Variants in ACVR1C observed in about 807,000 individuals in gnomAD.
ACVR1C encodes activin A receptor type 1C, also known as activin receptor type-1C.
Under a neutral mutation model 57.9 loss-of-function variants are expected in ACVR1C, and 23 were observed. That is an observed-to-expected ratio of 0.40 (90% CI 0.29 to 0.56). The LOEUF is 0.56. Among genes scored for constraint, ACVR1C ranks in the 20% least tolerant of loss-of-function variants. ACVR1C has a pLI of 0.50. For synonymous variants in ACVR1C, 214 were observed against 215.3 expected (o/e 0.99, Z 0.05); for missense variants, 480 against 607.9 (o/e 0.79, Z 2.21).
At chr2:157,544,643 A>C (rs1475405723) in intron 4 of ACVR1C, 31 bp from the exon 5 acceptor site, 16 of 1,572,658 alleles carry the variant, frequency 1.0e-5, no homozygotes, top group Non-Finnish European at 1.4e-5. Flanking sequence ...TGTTGTTGTA[A>C]ATACATATTG....
At position 157,530,285 on chromosome 2, in the gene ACVR1C, T is replaced by C. The variant is rs1687324658; in HGVS notation, c.*3633A>G. The C allele has an allele frequency of 6.6e-6, 1 of 152,144 alleles. No homozygotes were observed. Among genetic ancestry groups the C allele is most frequent in the African/African-American group, 2.4e-5 (1 of 41,462 alleles). 9.4% of individuals were successfully genotyped at this position (152,144 alleles called of 1,614,324 possible). On this transcript the variant is annotated 3_prime_UTR_variant, in exon 9 of 9. Coordinates refer to ENST00000243349, the MANE Select transcript of ACVR1C (RefSeq NM_145259.3). ...ATTTATTTAGCCAAATACATTCTCATACTTATTTCAATCAAAGACTATGCC... is the reference window on the plus strand; with the variant it reads ...ATTTATTTAGCCAAATACATTCTCACACTTATTTCAATCAAAGACTATGCC...
chr2:157,566,377 A>G (rs1004538225), intron 2 of ACVR1C, among the ~76,000 whole-genome samples: 8 of 152,194 alleles, frequency 5.3e-5, no homozygotes, highest in African/African-American at 1.7e-4. Flanking sequence ...CCGAATAGGA[A>G]CAGCTCCGGT....
Position 157,545,759 on chromosome 2 carries a change from T to C in ACVR1C, c.776-1147A>G, listed in dbSNP as rs1687739633. On this transcript the variant is annotated intron_variant, in intron 4 of 8. Transcript: ENST00000243349. ...TAATATGTCTTGTGCATATTATTAT[T>C]ACTATTATTTTATTTTTATTTATTC... 2.6e-5 allele frequency among the ~76,000 whole-genome samples: 4 copies of C among 152,060 alleles called. No individual in the cohort carries two copies. The South Asian group carries it at 8.3e-4, about 32-fold the overall frequency.
chr2:157,588,207 T>A (rs1188161886), intron 1 of ACVR1C, among the ~76,000 whole-genome samples: 1 of 150,874 alleles, frequency 6.6e-6, no homozygotes, highest in African/African-American at 2.4e-5. Context: ...CTGTTCACTG[T>A]CTACACCTCC....
At chr2:157,555,997 A>C (rs1342296276) in intron 3 of ACVR1C, 96 bp downstream of exon 3, 6 of 1,350,452 alleles carry the variant, frequency 4.4e-6, no homozygotes, top group Non-Finnish European at 5.0e-6. Flanking sequence ...TCAAGACGGA[A>C]TTCATAATAT....
At chr2:157,535,947 G>A (rs1310223541) in intron 8 of ACVR1C, among the ~76,000 whole-genome samples, 3 of 152,008 alleles carry the variant, frequency 2.0e-5, no homozygotes, top group Admixed American at 6.6e-5. Context: ...CCCCCTCATC[G>A]GCATATCCCT....
At chr2:157,556,703 A>C (rs76635435) in intron 2 of ACVR1C, among the ~76,000 whole-genome samples, 12,065 of 126,954 alleles carry the variant, frequency 0.095, 707 homozygotes, top group Non-Finnish European at 0.13. Context: ...TCACTCGATC[A>C]CCCAGGCTGG....
At chr2:157,557,131 T>C (rs1002588164) in intron 2 of ACVR1C, among the ~76,000 whole-genome samples, 2 of 150,834 alleles carry the variant, frequency 1.3e-5, no homozygotes, top group African/African-American at 4.9e-5. Context: ...ACTAAACAGA[T>C]GTTTAACACA....
chr2:157,556,642 T>C lies in ACVR1C; in HGVS notation c.305-310A>G, dbSNP rs541032251. Among the ~76,000 whole-genome samples, 5 of 151,356 alleles carry C rather than the reference T, an allele frequency of 3.3e-5. No homozygotes were observed. In the East Asian group the frequency reaches 9.7e-4, roughly 29 times the overall value. ...TTTTCTGTCTACTATTTTCCCTCCA[T>C]TATTCAGCAGTACACTTTTTTTTTT... On this transcript the variant is annotated intron_variant, in intron 2 of 8. Transcript: ENST00000243349.
At chr2:157,552,130 TTG>T (rs1347152503) in intron 3 of ACVR1C, among the ~76,000 whole-genome samples, 3 of 151,866 alleles carry the variant, frequency 2.0e-5, no homozygotes, top group Non-Finnish European at 4.4e-5. Context: ...TTGGTTTGTT[TTG>T]TTTGTTTGTT....
chr2:157,594,380 T>C (rs1339087264), intron 1 of ACVR1C, among the ~76,000 whole-genome samples: 2 of 151,544 alleles, frequency 1.3e-5, no homozygotes, highest in Non-Finnish European at 2.9e-5. Context: ...ATTCTCAATA[T>C]AAGTGACTTA....
In ACVR1C at chr2:157,598,518, T is replaced by C. The variant is rs544946088; in HGVS notation, c.74-11101A>G. ...GGATAAACATAATTGTATTTTATAA[T>C]GTTACATTTATTTTCTTTTAATAGT... On this transcript the variant is annotated intron_variant, in intron 1 of 8. Coordinates refer to ENST00000243349, the MANE Select transcript of ACVR1C (RefSeq NM_145259.3). 9.2e-5 allele frequency among the ~76,000 whole-genome samples: 14 copies of C among 151,756 alleles called. No individual in the cohort carries two copies. In the South Asian group the frequency reaches 1.2e-3, roughly 13 times the overall value.
In ACVR1C at chr2:157,538,566, G is replaced by T; in HGVS notation, c.1356+7C>A. On this transcript the variant is annotated splice_region_variant and intron_variant, in intron 8 of 8. Transcript: ENST00000243349. ...TAAGAAAAATATAGATAAAAACATG[G>T]CCTTACTTCACAACTTTGCCACTGG... is the stretch of plus-strand genomic sequence containing the variant. 1 of 1,549,962 alleles carries T rather than the reference G, an allele frequency of 6.5e-7. No individual in the cohort carries two copies. Among genetic ancestry groups the T allele is most frequent in the Non-Finnish European group, 8.7e-7 (1 of 1,153,988 alleles).
intron 1 of ACVR1C, among the ~76,000 whole-genome samples, chr2:157,588,676 G>A (rs888458875): frequency 5.9e-5 from 8 of 134,804 alleles, no homozygotes; most frequent in Non-Finnish European, 9.2e-5. Context: ...CCTTTTATTA[G>A]TGAAGACATG....
In ACVR1C at chr2:157,533,948, T is replaced by G. The variant is rs751123693; in HGVS notation, c.1452A>C (p.Gln484His). 6.3e-7 allele frequency: 1 copy of G among 1,589,372 alleles called. No individual in the cohort carries two copies. Among genetic ancestry groups the G allele is most frequent in the Admixed American group, 1.8e-5 (1 of 54,484 alleles). ...TALRIKKTISQLCVKEDCKA is the reference protein window; with the variant it reads ...TALRIKKTISHLCVKEDCKA ...CTTTGCAGTCTTCTTTGACACAAAG[T>G]TGAGATATAGTCTTCTTAATACGAA... Residue 484 changes from glutamine to histidine, a missense_variant, in exon 9 of 9, where the codon CAA becomes CAC. By Grantham distance (24) the Gln-to-His change is conservative (BLOSUM62 0). Transcript: ENST00000243349.
At chr2:157,596,036 A>T (rs1225572599) in intron 1 of ACVR1C, among the ~76,000 whole-genome samples, 1 of 152,226 alleles carries the variant, frequency 6.6e-6, no homozygotes, top group Non-Finnish European at 1.5e-5. Context: ...ATCTACCATC[A>T]CATCCCAACG....
In ACVR1C at chr2:157,623,412, T is replaced by C. The variant is rs149600648; in HGVS notation, c.73+5160A>G. Among the ~76,000 whole-genome samples the C allele has an allele frequency of 6.1e-3, 934 of 152,004 alleles. 11 individuals carry two copies. Among genetic ancestry groups the C allele is most frequent in the African/African-American group, 0.021 (859 of 41,432 alleles). On this transcript the variant is annotated intron_variant, in intron 1 of 8. Coordinates refer to ENST00000243349, the MANE Select transcript of ACVR1C (RefSeq NM_145259.3). ...AATCTGGTATATATACACAATGGAG[T>C]ACTATTCAGCCATAAAAAAGAATGA...
chr2:157,612,555 G>A (rs996114598), intron 1 of ACVR1C, among the ~76,000 whole-genome samples: 1 of 152,182 alleles, frequency 6.6e-6, no homozygotes, highest in African/African-American at 2.4e-5. Flanking sequence ...GAGTTGGGAA[G>A]GGGTCCCACT....
Position 157,573,671 on chromosome 2 carries a change from A to G in ACVR1C, c.304+13516T>C, listed in dbSNP as rs2105242806. On this transcript the variant is annotated intron_variant, in intron 2 of 8. Coordinates refer to ENST00000243349, the MANE Select transcript of ACVR1C (RefSeq NM_145259.3). ...CAGTTTCTCTAGCCCAGGCTTCCTG[A>G]TCTTATTCTGGATGAATTTTCATGG... Among the ~76,000 whole-genome samples, 2 of 152,186 alleles carry G rather than the reference A, an allele frequency of 1.3e-5. 1 individual carries two copies. Among genetic ancestry groups the G allele is most frequent in the South Asian group, 4.1e-4 (2 of 4,828 alleles).
Sources: allele counts gnomAD v4.1 joint callset (sites outside exome capture counted in the v4.1 genomes callset), GRCh38; gene constraint gnomAD v4.1.1; transcripts MANE v1.5; gene names NCBI Gene and HGNC (gene_info 2026-07-23, HGNC 2026-07-21).